The following BRD10 variants were observed in gnomAD, a reference collection of about 807,000 sequenced individuals.
The protein encoded by BRD10 is bromodomain containing 10, also known as uncharacterized bromodomain-containing protein 10.
the BRD10 span, chr9:5,945,024 C>G: frequency 2.6e-6 from 2 of 757,068 alleles, no homozygotes; most frequent in Non-Finnish European, 2.1e-6. Flanking sequence ...AATGTGGTAA[C>G]AGAAGTTGTT....
chr9:5,992,231 T>A, the BRD10 span, among the ~76,000 whole-genome samples: 2 of 152,218 alleles, frequency 1.3e-5, no homozygotes, highest in African/African-American at 2.4e-5. Flanking sequence ...TTTGTTTTGT[T>A]AATGACTGTC....
the BRD10 span, chr9:5,921,576 T>C: frequency 4.3e-6 from 7 of 1,613,936 alleles, no homozygotes; most frequent in Non-Finnish European, 5.9e-6. Flanking sequence ...GATACCAGCA[T>C]AAGTTTCTGA....
At chr9:5,925,862 C>A in the BRD10 span, among the ~76,000 whole-genome samples, 2 of 152,172 alleles carry the variant, frequency 1.3e-5, 1 homozygote, top group South Asian at 4.1e-4. Flanking sequence ...TTATCCTCAA[C>A]TTTTACCCTT....
At chr9:5,948,824 C>T in the BRD10 span, among the ~76,000 whole-genome samples, 1 of 152,034 alleles carries the variant, frequency 6.6e-6, no homozygotes, top group Non-Finnish European at 1.5e-5. Flanking sequence ...ATACTAAATG[C>T]ATGGTATAAA....
the BRD10 span, chr9:5,909,823 G>C: frequency 6.6e-6 from 1 of 152,158 alleles, no homozygotes; most frequent in African/African-American, 2.4e-5. Flanking sequence ...AGAGATTCTG[G>C]AATGGTGTCA....
At chr9:5,924,617 G>T in the BRD10 span, 1 of 1,229,850 alleles carries the variant, frequency 8.1e-7, no homozygotes, top group Non-Finnish European at 1.1e-6. Context: ...ACTTCTCTTT[G>T]TGCCTTCAGT....
chr9:5,929,852 C>A, the BRD10 span, among the ~76,000 whole-genome samples: 1 of 152,034 alleles, frequency 6.6e-6, no homozygotes, highest in African/African-American at 2.4e-5. Flanking sequence ...AAATAAGGCT[C>A]ATAGAGATTA....
the BRD10 span, among the ~76,000 whole-genome samples, chr9:6,004,802 T>G: frequency 6.6e-6 from 1 of 152,234 alleles, no homozygotes; most frequent in African/African-American, 2.4e-5. Context: ...TTCAAACAGT[T>G]GTGACCTATG....
At chr9:5,967,704 A>AAG in the BRD10 span, among the ~76,000 whole-genome samples, 3 of 151,218 alleles carry the variant, frequency 2.0e-5, no homozygotes, top group Non-Finnish European at 4.4e-5. Context: ...GAAAAAAAAA[A>AAG]AAAAAAACAC....
the BRD10 span, chr9:5,923,271 T>C: frequency 1.2e-6 from 2 of 1,611,172 alleles, no homozygotes; most frequent in Non-Finnish European, 1.7e-6. Context: ...AGCTTGCTTC[T>C]AGCCATAGGA....
the BRD10 span, chr9:5,923,172 C>T: frequency 1.2e-6 from 2 of 1,613,984 alleles, no homozygotes; most frequent in Non-Finnish European, 1.7e-6. Context: ...TTTGTGCTGT[C>T]ATCCACATAA....
chr9:6,007,279 C>G, the BRD10 span: 1 of 1,613,930 alleles, frequency 6.2e-7, no homozygotes, highest in Non-Finnish European at 8.5e-7. Flanking sequence ...TCCGTGCAGG[C>G]GGTAGCACGT....
the BRD10 span, among the ~76,000 whole-genome samples, chr9:5,959,407 A>T: frequency 6.6e-6 from 1 of 152,306 alleles, no homozygotes; most frequent in South Asian, 2.1e-4. Context: ...AATCTGTAAT[A>T]ATGGGGAATA....
At chr9:5,934,868 CTAAG>C in the BRD10 span, among the ~76,000 whole-genome samples, 1 of 152,088 alleles carries the variant, frequency 6.6e-6, no homozygotes, top group South Asian at 2.1e-4. Flanking sequence ...TAAACTGTAA[CTAAG>C]TATTTTAATA....
the BRD10 span, among the ~76,000 whole-genome samples, chr9:5,973,777 G>C: frequency 6.6e-6 from 1 of 152,288 alleles, no homozygotes; most frequent in Middle Eastern, 3.4e-3. Context: ...AGCTATTCAG[G>C]AGGGCGAGGT....
the BRD10 span, among the ~76,000 whole-genome samples, chr9:5,900,294 G>A: frequency 5.9e-5 from 9 of 152,284 alleles, no homozygotes; most frequent in Admixed American, 3.9e-4. Flanking sequence ...GATTAGATCA[G>A]TGGTTTGTAG....
At chr9:5,886,871 T>C in the BRD10 span, among the ~76,000 whole-genome samples, 1 of 152,294 alleles carries the variant, frequency 6.6e-6, no homozygotes, top group Admixed American at 6.5e-5. Context: ...CACATAGCCC[T>C]GAAAGGGCCA....
At chr9:6,000,381 A>T in the BRD10 span, among the ~76,000 whole-genome samples, 1 of 152,288 alleles carries the variant, frequency 6.6e-6, no homozygotes, top group Admixed American at 6.5e-5. Flanking sequence ...GAAAATGAAA[A>T]TGGCTATTAT....
the BRD10 span, among the ~76,000 whole-genome samples, chr9:5,979,948 G>C: frequency 2.0e-5 from 3 of 150,072 alleles, no homozygotes; most frequent in Non-Finnish European, 4.4e-5. Context: ...CTGGGAGGTG[G>C]AGGTTGCAGT....
Sources: gnomAD v4.1 joint callset for allele counts (sites outside exome capture counted in the v4.1 genomes callset) on GRCh38, gnomAD v4.1.1 for gene constraint, MANE v1.5 for transcripts, NCBI Gene and HGNC (gene_info 2026-07-23, HGNC 2026-07-21) for gene names.